Variants in ARSB observed in about 807,000 individuals in gnomAD.
ARSB encodes the protein N-acetylgalactosamine-4-sulfatase.
ARSB carries 41 observed loss-of-function variants against 50.9 expected under a neutral mutation model. That is an observed-to-expected ratio of 0.81 (90% confidence interval 0.63 to 1.04). The LOEUF (loss-of-function observed/expected upper bound fraction) is 1.04. ARSB is among the 50% of genes least tolerant of loss of function. ARSB has a pLI of 0.00. For missense variants in ARSB, 672 were observed against 693.3 expected (o/e 0.97, Z 0.35); for synonymous variants, 269 against 284.8 (o/e 0.94, Z 0.56).
At chr5:78,934,928 T>C (rs1750512030) in intron 4 of ARSB, among the ~76,000 whole-genome samples, 1 of 152,172 alleles carries the variant, frequency 6.6e-6, no homozygotes, top group Non-Finnish European at 1.5e-5. Flanking sequence ...AAATAGATTA[T>C]ATAATTTTGA....
intron 4 of ARSB, among the ~76,000 whole-genome samples, chr5:78,928,465 C>A (rs1291230161): frequency 6.6e-6 from 1 of 151,974 alleles, no homozygotes; most frequent in Admixed American, 6.6e-5. Flanking sequence ...CAGGGGCATA[C>A]CACCACATCT....
At chr5:78,936,481 GA>G (rs34898219) in intron 4 of ARSB, among the ~76,000 whole-genome samples, 87,376 of 138,992 alleles carry the variant, frequency 0.63, 26,810 homozygotes, top group African/African-American at 0.76. Context: ...CAACTCCTAA[GA>G]AAAAAAAAAA....
chr5:78,872,360 T>C (rs1473082592), intron 5 of ARSB, among the ~76,000 whole-genome samples: 1 of 147,690 alleles, frequency 6.8e-6, no homozygotes, highest in African/African-American at 2.5e-5. Flanking sequence ...TAAAGACACA[T>C]GCACACGTAT....
chr5:78,834,774 C>A (rs1408090293), intron 6 of ARSB, among the ~76,000 whole-genome samples: 1 of 151,370 alleles, frequency 6.6e-6, no homozygotes, highest in Non-Finnish European at 1.5e-5. Context: ...CAAGCCCCTG[C>A]TTTTAATTCT....
intron 6 of ARSB, among the ~76,000 whole-genome samples, chr5:78,789,592 G>A (rs2112629594): frequency 6.6e-6 from 1 of 152,264 alleles, no homozygotes; most frequent in Admixed American, 6.5e-5. Context: ...TCATCACAAA[G>A]GCCACCATCA....
In ARSB at chr5:78,984,968, G is replaced by A. The variant is rs1554032099; in HGVS notation, c.281C>T (p.Ser94Leu). The change falls in exon 1 of 8, where the codon TCG (serine) becomes TTG (leucine). Residue 94 changes from serine to leucine, a missense_variant. Ser to Leu is a moderately radical substitution (Grantham distance 145). Transcript: ENST00000264914. Reference sequence around the variant, plus strand: ...GCGGCCAGTGAGCAGCTGGCTCCGCGACGGCGTGCACAGCGGCTGCGTGTA... The same window carrying A: ...GCGGCCAGTGAGCAGCTGGCTCCGCAACGGCGTGCACAGCGGCTGCGTGTA... ...NYYTQPLCTP[S>L]RSQLLTGRYQ... The A allele has an allele frequency of 2.7e-6, 4 of 1,493,560 alleles. No individual in the cohort carries two copies. The highest frequency in any genetic ancestry group is 3.6e-6 in the Non-Finnish European group (4 of 1,121,452). The allele number at this position is 1,493,560 out of a possible 1,614,324, so 92.5% of individuals were successfully genotyped here.
intron 4 of ARSB, among the ~76,000 whole-genome samples, chr5:78,907,721 C>T (rs1457715270): frequency 4.6e-5 from 7 of 152,258 alleles, no homozygotes; most frequent in Middle Eastern, 6.8e-3. Flanking sequence ...ACGGGTAGAG[C>T]GGTTGCACAG....
chr5:78,828,362 C>T (rs75461956), intron 6 of ARSB, among the ~76,000 whole-genome samples: 2,269 of 152,264 alleles, frequency 0.015, 28 homozygotes, highest in East Asian at 0.08. Flanking sequence ...GACATATTGT[C>T]CTTGTTTAGC....
intron 4 of ARSB, among the ~76,000 whole-genome samples, chr5:78,947,889 C>G (rs1002173746): frequency 6.6e-6 from 1 of 152,278 alleles, no homozygotes; most frequent in East Asian, 1.9e-4. Context: ...ACCTAAGTGT[C>G]CATCAACAGA....
intron 4 of ARSB, among the ~76,000 whole-genome samples, chr5:78,937,841 C>A (rs972220610): frequency 7.9e-5 from 12 of 152,046 alleles, no homozygotes; most frequent in African/African-American, 2.9e-4. Flanking sequence ...AAAACCAAAA[C>A]AAATATAAGG....
At position 78,841,168 on chromosome 5, in the gene ARSB, C is replaced by CTACTACTACTACTACTACTAATAA. The variant is rs368030435; in HGVS notation, c.1143-1743_1143-1742insTTATTAGTAGTAGTAGTAGTAGTA. Among the ~76,000 whole-genome samples, 562 of 132,000 alleles carry CTACTACTACTACTACTACTAATAA rather than the reference C, an allele frequency of 4.3e-3. 3 individuals carry two copies. The highest frequency in any genetic ancestry group is 0.011 in the Middle Eastern group (3 of 262). The allele number at this position is 132,000 out of a possible 152,430, so 86.6% of individuals were successfully genotyped here. On this transcript the variant is annotated intron_variant, in intron 5 of 7. Coordinates refer to ENST00000264914, the MANE Select transcript of ARSB (RefSeq NM_000046.5). ...ACTACTACTACTACTACTACTACTA[C>CTACTACTACTACTACTACTAATAA]TAATAATAATAATAATTTGAGCATG...
intron 6 of ARSB, among the ~76,000 whole-genome samples, chr5:78,807,055 C>G (rs193027988): frequency 6.6e-6 from 1 of 152,176 alleles, no homozygotes; most frequent in South Asian, 2.1e-4. Flanking sequence ...GAGGACAATA[C>G]AGTGAGTGCA....
At chr5:78,870,796 T>G (rs1008449034) in intron 5 of ARSB, among the ~76,000 whole-genome samples, 13 of 151,386 alleles carry the variant, frequency 8.6e-5, no homozygotes, top group African/African-American at 2.4e-4. Flanking sequence ...TTCAACATAG[T>G]GTTGGAAGTT....
chr5:78,942,333 T>C (rs1387978203), intron 4 of ARSB, among the ~76,000 whole-genome samples: 1 of 152,234 alleles, frequency 6.6e-6, no homozygotes, highest in East Asian at 1.9e-4. Context: ...AGCTTTTGAA[T>C]GGGTTTGCTC....
chr5:78,956,805 C>T (rs1273391987), intron 3 of ARSB, among the ~76,000 whole-genome samples: 1 of 152,138 alleles, frequency 6.6e-6, no homozygotes, highest in Non-Finnish European at 1.5e-5. Context: ...TCCACATTAA[C>T]CGAAGAGCAA....
At chr5:78,909,771 C>T (rs992231429) in intron 4 of ARSB, among the ~76,000 whole-genome samples, 3 of 152,132 alleles carry the variant, frequency 2.0e-5, no homozygotes, top group Non-Finnish European at 1.5e-5. Context: ...ACCATCCCCC[C>T]AGCCCGAGAC....
At chr5:78,854,516 A>G (rs2112068911) in intron 5 of ARSB, among the ~76,000 whole-genome samples, 1 of 152,294 alleles carries the variant, frequency 6.6e-6, no homozygotes, top group Middle Eastern at 3.4e-3. Flanking sequence ...TTTAACTTCC[A>G]TTTCCATGTG....
rs367547071 is a variant in ARSB at position 78,935,111 on chromosome 5, C to CA, written c.898+20183dup. Among the ~76,000 whole-genome samples the CA allele has an allele frequency of 3.1e-3, 466 of 152,014 alleles. 3 individuals are homozygous for CA. Among genetic ancestry groups the CA allele is most frequent in the African/African-American group, 0.011 (441 of 41,482 alleles). The stretch of plus-strand genomic sequence containing the variant: ...TTTGCTCCCTCAATAATTAATGGTA[C>CA]AAAAAACTCCAAAATCATATCCAAT... On this transcript the variant is annotated intron_variant, in intron 4 of 7. Coordinates refer to ENST00000264914, the MANE Select transcript of ARSB (RefSeq NM_000046.5).
At chr5:78,955,623 T>C in intron 3 of ARSB, 121 bp from the exon 4 acceptor site, 1 of 817,538 alleles carries the variant, frequency 1.2e-6, no homozygotes, top group South Asian at 1.5e-5. Flanking sequence ...CAGAATGCAT[T>C]GAAAGTATTT....
Sources: allele counts gnomAD v4.1 joint callset (sites outside exome capture counted in the v4.1 genomes callset), GRCh38; gene constraint gnomAD v4.1.1; transcripts MANE v1.5; gene names NCBI Gene and HGNC (gene_info 2026-07-23, HGNC 2026-07-21).